Variants in UHRF2 observed in about 807,000 individuals in gnomAD.
UHRF2 encodes the protein E3 ubiquitin-protein ligase UHRF2.
A neutral mutation model predicts 96.8 loss-of-function variants in UHRF2; 23 were observed. The observed-to-expected ratio is 0.24, with a 90% confidence interval of 0.17 to 0.34. UHRF2 has a LOEUF of 0.34. UHRF2 is among the 10% of genes least tolerant of loss of function. The pLI is 1.00. For missense variants in UHRF2, 685 were observed against 981.5 expected (o/e 0.70, Z 4.04); for synonymous variants, 385 against 332.6 (o/e 1.16, Z -1.72).
chr9:6,420,341 C>T (rs1819856784), intron 1 of UHRF2, among the ~76,000 whole-genome samples: 1 of 150,920 alleles, frequency 6.6e-6, no homozygotes, highest in Non-Finnish European at 1.5e-5. Flanking sequence ...AGGCGTGAGC[C>T]ACCGCGCCCG....
rs1471367087 is a variant in UHRF2 at position 6,460,652 on chromosome 9, C to G, written c.724C>G (p.Leu242Val). Residue 242 changes from leucine to valine, a missense_variant, in exon 4 of 16, where the codon CTA (leucine) becomes GTA (valine). This residue lies in a region of UHRF2 where 391 missense variants were observed against 437.0 expected (regional missense o/e 0.89). Transcript: ENST00000276893. ...RARTILKWNE[L>V]NVGDVVMVNY... ...TAGAACCATTTTGAAATGGAATGAA[C>G]TAAATGTTGGTGATGTGGTAATGGT... The G allele has an allele frequency of 4.3e-6, 7 of 1,613,472 alleles. No homozygotes were observed. The highest frequency in any genetic ancestry group is 4.5e-5 in the East Asian group (2 of 44,854).
intron 9 of UHRF2, 42 bp downstream of exon 9, chr9:6,486,967 C>T: frequency 1.3e-6 from 2 of 1,579,018 alleles, no homozygotes; most frequent in Non-Finnish European, 1.7e-6. Context: ...CCTGCCTTGA[C>T]CATTTGTAAA....
At chr9:6,440,689 G>C (rs1367396602) in intron 3 of UHRF2, among the ~76,000 whole-genome samples, 1 of 152,114 alleles carries the variant, frequency 6.6e-6, no homozygotes, top group Non-Finnish European at 1.5e-5. Context: ...TCATCATTTG[G>C]CTGCGAAAAT....
At chr9:6,431,131 A>G (rs1210728424) in intron 2 of UHRF2, among the ~76,000 whole-genome samples, 2 of 152,158 alleles carry the variant, frequency 1.3e-5, no homozygotes, top group Non-Finnish European at 2.9e-5. Context: ...GCTTTATAAC[A>G]CAGCTTTAAC....
intron 3 of UHRF2, among the ~76,000 whole-genome samples, chr9:6,435,430 A>T (rs914724739): frequency 1.3e-5 from 2 of 151,966 alleles, no homozygotes; most frequent in African/African-American, 2.4e-5. Flanking sequence ...CCAGTGCAAA[A>T]TTTTTTTTAA....
intron 10 of UHRF2, 180 bp downstream of exon 10, chr9:6,494,112 T>G (rs997804350): frequency 1.9e-6 from 1 of 529,952 alleles, no homozygotes; most frequent in Non-Finnish European, 3.3e-6. Context: ...TTTATACTGT[T>G]ATTTTTTAAA....
intron 3 of UHRF2, among the ~76,000 whole-genome samples, chr9:6,454,305 C>G (rs1286732591): frequency 6.6e-6 from 1 of 152,132 alleles, no homozygotes; most frequent in African/African-American, 2.4e-5. Flanking sequence ...TACAAGGATC[C>G]AAAACCTTGT....
chr9:6,428,999 T>C (rs112640638), intron 2 of UHRF2, among the ~76,000 whole-genome samples: 97 of 152,260 alleles, frequency 6.4e-4, no homozygotes, highest in African/African-American at 2.1e-3. Context: ...ACCCCATCTC[T>C]GCTAAAAATA....
In UHRF2 at chr9:6,477,743, T is replaced by C; in HGVS notation, c.1095T>C (p.Cys365=). ...EPNMQLLCDE[C]NVAYHIYCLN... ...ACATGCAGCTTCTGTGTGATGAATG[T>C]AATGTGGCTTATCATATTTACTGTC... Residue 365 remains cysteine (C), a synonymous_variant, in exon 6 of 16, where the codon TGT becomes TGC. Transcript: ENST00000276893. The C allele has an allele frequency of 1.2e-6, 2 of 1,614,136 alleles. No homozygotes were observed. The highest frequency in any genetic ancestry group is 1.7e-6 in the Non-Finnish European group (2 of 1,179,962).
chr9:6,455,070 C>G (rs182848910), intron 3 of UHRF2, among the ~76,000 whole-genome samples: 2 of 152,330 alleles, frequency 1.3e-5, no homozygotes, highest in East Asian at 3.9e-4. Context: ...AGAGTAAGAA[C>G]CAGATGTTAC....
intron 9 of UHRF2, among the ~76,000 whole-genome samples, chr9:6,492,999 A>G (rs1344792683): frequency 6.6e-6 from 1 of 152,200 alleles, no homozygotes; most frequent in East Asian, 1.9e-4. Context: ...CTATGCTGTT[A>G]GAATTTTAAT....
At chr9:6,451,799 T>TGTTGTTG (rs71328187) in intron 3 of UHRF2, among the ~76,000 whole-genome samples, 1 of 151,116 alleles carries the variant, frequency 6.6e-6, no homozygotes, top group Non-Finnish European at 1.5e-5. Context: ...TTGTTGTTGT[T>TGTTGTTG]TTTGAGACAG....
At position 6,506,001 on chromosome 9, in the gene UHRF2, G is replaced by T. The variant is rs41281767; in HGVS notation, c.2263-32G>T. ...TGAGTACTTACATGCTTTATGCTCA[G>T]ATTAAATTGGATGTTTTTGTTTTTA... On this transcript the variant is annotated intron_variant, in intron 15 of 15. Transcript: ENST00000276893. 1.8e-3 allele frequency: 2,906 copies of T among 1,613,008 alleles called. 3 individuals are homozygous for T. Among genetic ancestry groups the T allele is most frequent in the Middle Eastern group, 2.1e-3 (13 of 6,058 alleles).
At chr9:6,429,958 ATAC>A (rs2130754956) in intron 2 of UHRF2, among the ~76,000 whole-genome samples, 1 of 152,310 alleles carries the variant, frequency 6.6e-6, no homozygotes, top group African/African-American at 2.4e-5. Flanking sequence ...CTTGCCTCCC[ATAC>A]TTCAGGTTTT....
At chr9:6,470,452 A>T (rs1192053635) in intron 4 of UHRF2, among the ~76,000 whole-genome samples, 1 of 152,198 alleles carries the variant, frequency 6.6e-6, no homozygotes, top group African/African-American at 2.4e-5. Flanking sequence ...ATCAAATAAA[A>T]CCTGAAAGAA....
chr9:6,504,887 CA>C (rs1352326626), intron 15 of UHRF2, among the ~76,000 whole-genome samples, 196 bp downstream of exon 15: 1 of 151,960 alleles, frequency 6.6e-6, no homozygotes, highest in African/African-American at 2.4e-5. Flanking sequence ...AAATATGTGT[CA>C]TTTGAGATAT....
chr9:6,483,517 C>T (rs1318995956), intron 8 of UHRF2, among the ~76,000 whole-genome samples: 2 of 152,044 alleles, frequency 1.3e-5, no homozygotes, highest in Non-Finnish European at 2.9e-5. Context: ...TGGACAGATT[C>T]AGTACAGACA....
intron 3 of UHRF2, among the ~76,000 whole-genome samples, chr9:6,457,538 ACT>A (rs1164669502): frequency 2.0e-5 from 3 of 151,842 alleles, no homozygotes; most frequent in African/African-American, 7.3e-5. Context: ...AACTTCCAAC[ACT>A]CTGTTGAACA....
intron 4 of UHRF2, among the ~76,000 whole-genome samples, chr9:6,467,796 G>C (rs943298407): frequency 4.6e-5 from 7 of 151,946 alleles, no homozygotes; most frequent in African/African-American, 1.7e-4. Flanking sequence ...ATGAATTCAG[G>C]CCTCTGAACC....
Sources: allele counts gnomAD v4.1 joint callset (sites outside exome capture counted in the v4.1 genomes callset), GRCh38; gene constraint gnomAD v4.1.1; regional missense constraint gnomAD v4.1.1; transcripts MANE v1.5; gene names NCBI Gene and HGNC (gene_info 2026-07-23, HGNC 2026-07-21).